Variants in MLLT3 observed in about 807,000 individuals in gnomAD.
MLLT3 encodes protein AF-9.
MLLT3 carries 4 observed loss-of-function variants against 53.2 expected under a neutral mutation model. The ratio of observed to expected loss-of-function variants is 0.08; its 90% confidence interval spans 0.04 to 0.17. MLLT3 has a LOEUF of 0.17. Ranked by LOEUF, MLLT3 falls within the 10% of genes least tolerant of loss-of-function variation. MLLT3 has a pLI of 1.00. For synonymous variants in MLLT3, 283 were observed against 230.6 expected, an observed-to-expected ratio of 1.23 and a Z score of -2.06; for missense variants, 569 against 684.0, an observed-to-expected ratio of 0.83 and a Z score of 1.87.
intron 2 of MLLT3, among the ~76,000 whole-genome samples, chr9:20,486,614 A>T (rs1824821340): frequency 6.6e-6 from 1 of 152,302 alleles, no homozygotes; most frequent in South Asian, 2.1e-4. Flanking sequence ...GAAAGTTTTT[A>T]AATAAGGTAA....
intron 2 of MLLT3, among the ~76,000 whole-genome samples, chr9:20,579,146 T>A (rs145877291): frequency 8.1e-4 from 123 of 152,208 alleles, no homozygotes; most frequent in African/African-American, 2.9e-3. Context: ...TGCAGGAGGA[T>A]TGCTTGAGGC....
At chr9:20,586,492 G>T (rs114825800) in intron 2 of MLLT3, among the ~76,000 whole-genome samples, 1 of 152,060 alleles carries the variant, frequency 6.6e-6, no homozygotes, top group Admixed American at 6.6e-5. Flanking sequence ...AAAATCACTG[G>T]GGGGCTTAGG....
rs778387902 is a variant in MLLT3, at chr9:20,354,899, C to T, written c.1432-20G>A. 87 of 1,591,274 alleles carry T rather than the reference C, an allele frequency of 5.5e-5. No individual in the cohort carries two copies. The Admixed American group carries it at 1.1e-3, about 19-fold the overall frequency. ...AAGAATCTAGGGATCAAAGAGAACG[C>T]TGTGTTAAATTTTATTTCAAGCATC... is the stretch of plus-strand genomic sequence containing the variant. On this transcript the variant is annotated intron_variant, in intron 8 of 10. Coordinates refer to ENST00000380338, the MANE Select transcript of MLLT3 (RefSeq NM_004529.4).
intron 2 of MLLT3, among the ~76,000 whole-genome samples, chr9:20,598,098 T>C (rs1820323339): frequency 6.6e-6 from 1 of 152,226 alleles, no homozygotes; most frequent in Non-Finnish European, 1.5e-5. Flanking sequence ...CATAACAGCT[T>C]GAGCTAAAGA....
At chr9:20,502,229 C>A (rs1825263915) in intron 2 of MLLT3, 1 of 153,958 alleles carries the variant, frequency 6.5e-6, no homozygotes, top group South Asian at 2.0e-4. Flanking sequence ...CTTGACAGGG[C>A]ACCACAAATG....
rs1820861745 is a variant in MLLT3 at position 20,346,219 on chromosome 9, G to A, written c.*224C>T. 4.7e-6 allele frequency: 2 copies of A among 425,294 alleles called. No homozygotes were observed. The highest frequency in any genetic ancestry group is 4.1e-5 in the Admixed American group (1 of 24,252). 26.3% of individuals were successfully genotyped at this position (425,294 alleles called of 1,614,324 possible). On this transcript the variant is annotated 3_prime_UTR_variant, in exon 11 of 11. Transcript: ENST00000380338. ...GGGGATTTCCTTGGAGAGAAGAGTG[G>A]TCCGCTGAGGCTGGTTTGCTTTAAC...
chr9:20,598,355 C>G (rs561027129), intron 2 of MLLT3, among the ~76,000 whole-genome samples: 1 of 152,324 alleles, frequency 6.6e-6, no homozygotes, highest in East Asian at 1.9e-4. Flanking sequence ...TATCCACTTA[C>G]AAATCTATCT....
At chr9:20,426,580 T>C (rs1006720601) in intron 4 of MLLT3, among the ~76,000 whole-genome samples, 5 of 152,162 alleles carry the variant, frequency 3.3e-5, no homozygotes, top group African/African-American at 1.2e-4. Flanking sequence ...GCTATCTTGT[T>C]ACCTTCTCTC....
chr9:20,454,234 T>C (rs1351342254), intron 3 of MLLT3, among the ~76,000 whole-genome samples: 1 of 144,084 alleles, frequency 6.9e-6, no homozygotes, highest in Admixed American at 6.9e-5. Flanking sequence ...AAGACTGAAG[T>C]GTGTGTGTGT....
At chr9:20,571,479 T>C (rs551825143) in intron 2 of MLLT3, among the ~76,000 whole-genome samples, 1 of 152,358 alleles carries the variant, frequency 6.6e-6, no homozygotes, top group East Asian at 1.9e-4. Flanking sequence ...CTGGGATACA[T>C]GTGCAGAACA....
intron 2 of MLLT3, among the ~76,000 whole-genome samples, chr9:20,615,741 C>T (rs528415088): frequency 4.0e-5 from 6 of 151,574 alleles, no homozygotes; most frequent in Non-Finnish European, 8.8e-5. Context: ...AGTTATGTGC[C>T]TTTTTCCTTC....
chr9:20,447,612 A>C (rs1823737117), intron 4 of MLLT3, among the ~76,000 whole-genome samples: 1 of 152,222 alleles, frequency 6.6e-6, no homozygotes, highest in Non-Finnish European at 1.5e-5. Context: ...TACTTTAAAA[A>C]GGAAAATCCA....
chr9:20,597,307 T>A (rs1348698638), intron 2 of MLLT3, among the ~76,000 whole-genome samples: 1 of 151,908 alleles, frequency 6.6e-6, no homozygotes, highest in Non-Finnish European at 1.5e-5. Flanking sequence ...CAAAGGTGTC[T>A]TACTATAAAG....
chr9:20,593,082 T>C (rs1409060615), intron 2 of MLLT3, among the ~76,000 whole-genome samples: 1 of 152,210 alleles, frequency 6.6e-6, no homozygotes. Flanking sequence ...TTCTGTACTG[T>C]AGCTAAATTT....
intron 4 of MLLT3, among the ~76,000 whole-genome samples, chr9:20,422,725 T>G (rs1239787187): frequency 6.6e-6 from 1 of 152,094 alleles, no homozygotes; most frequent in Non-Finnish European, 1.5e-5. Flanking sequence ...AGTAGTGACA[T>G]CTGGGAGTAG....
chr9:20,375,449 C>G (rs1466963837), intron 5 of MLLT3, among the ~76,000 whole-genome samples: 1 of 152,130 alleles, frequency 6.6e-6, no homozygotes, highest in Non-Finnish European at 1.5e-5. Flanking sequence ...CAAGGTACAT[C>G]TTCTGATCCA....
intron 2 of MLLT3, among the ~76,000 whole-genome samples, chr9:20,580,186 A>G (rs1356759153): frequency 6.6e-6 from 1 of 152,146 alleles, no homozygotes; most frequent in Non-Finnish European, 1.5e-5. Flanking sequence ...AATGCTATCC[A>G]CTACTTTACT....
chr9:20,363,958 A>T (rs566836285), intron 6 of MLLT3, among the ~76,000 whole-genome samples: 2 of 152,356 alleles, frequency 1.3e-5, no homozygotes, highest in African/African-American at 4.8e-5. Flanking sequence ...AGAAGTTGAG[A>T]TTAATAAATC....
At position 20,535,626 on chromosome 9, in the gene MLLT3, AG is replaced by A. The variant is rs543947957; in HGVS notation, c.194-78841del. On this transcript the variant is annotated intron_variant, in intron 2 of 10. Transcript: ENST00000380338. ...GAAAACCATATTCTATTCGCTCAGCAGGAAGAGACTCTGCAAGGAGCACACG... is the reference window on the plus strand; with the variant it reads ...GAAAACCATATTCTATTCGCTCAGCAGAAGAGACTCTGCAAGGAGCACACG... Among the ~76,000 whole-genome samples the A allele has an allele frequency of 7.2e-5, 11 of 152,352 alleles. No homozygotes were observed. In the South Asian group the frequency reaches 2.3e-3, roughly 32 times the overall value.
Sources: allele counts gnomAD v4.1 joint callset (sites outside exome capture counted in the v4.1 genomes callset), GRCh38; gene constraint gnomAD v4.1.1; transcripts MANE v1.5; gene names NCBI Gene and HGNC (gene_info 2026-07-23, HGNC 2026-07-21).